KIAA1217: variants seen among roughly 807,000 people sequenced by gnomAD.
The protein encoded by KIAA1217 is KIAA1217.
In KIAA1217, 88 loss-of-function variants were observed where a neutral mutation model predicts 163.9. That is an observed-to-expected ratio of 0.54 (90% CI 0.45 to 0.64). The LOEUF (loss-of-function observed/expected upper bound fraction) is 0.64, where lower values mean the gene tolerates loss of function less well. KIAA1217 is among the 30% of genes least tolerant of loss of function. The pLI, the probability that KIAA1217 is intolerant of heterozygous loss-of-function variation, is 0.00. For missense variants in KIAA1217, 2,372 were observed against 2,475.0 expected, an observed-to-expected ratio of 0.96 and a Z score of 0.88; for synonymous variants, 903 against 923.1, an observed-to-expected ratio of 0.98 and a Z score of 0.39.
At chr10:24,254,834 C>T (rs2074967298) in intron 2 of KIAA1217, among the ~76,000 whole-genome samples, 2 of 151,948 alleles carry the variant, frequency 1.3e-5, no homozygotes, top group South Asian at 2.1e-4. Context: ...TAAATGTCTC[C>T]GTCCAACTCT....
intron 1 of KIAA1217, among the ~76,000 whole-genome samples, chr10:23,929,308 T>C (rs1042710905): frequency 6.6e-6 from 1 of 152,202 alleles, no homozygotes; most frequent in African/African-American, 2.4e-5. Context: ...TAATGGATTT[T>C]ATTTTATTTT....
chr10:24,235,123 A>G (rs1249940284), intron 2 of KIAA1217, among the ~76,000 whole-genome samples: 1 of 152,208 alleles, frequency 6.6e-6, no homozygotes, highest in East Asian at 1.9e-4. Context: ...TCTTCAACTG[A>G]TTAAATGAGG....
At chr10:23,978,183 A>T (rs1845619135) in intron 1 of KIAA1217, among the ~76,000 whole-genome samples, 1 of 152,218 alleles carries the variant, frequency 6.6e-6, no homozygotes, top group African/African-American at 2.4e-5. Flanking sequence ...TTACTTCCTC[A>T]GTCGGAGACC....
At chr10:23,717,532 C>A (rs1415037950) in intron 1 of KIAA1217, among the ~76,000 whole-genome samples, 2 of 152,068 alleles carry the variant, frequency 1.3e-5, no homozygotes, top group African/African-American at 4.8e-5. Context: ...ACATACATTG[C>A]TGAAAATACA....
At chr10:24,029,080 C>T (rs550775524) in intron 2 of KIAA1217, among the ~76,000 whole-genome samples, 1 of 152,124 alleles carries the variant, frequency 6.6e-6, no homozygotes, top group African/African-American at 2.4e-5. Flanking sequence ...TAAATTTATA[C>T]TTCACAGTTT....
intron 2 of KIAA1217, among the ~76,000 whole-genome samples, chr10:24,087,918 C>CTT (rs1448882396): frequency 2.7e-4 from 34 of 127,256 alleles, no homozygotes; most frequent in South Asian, 7.6e-4. Context: ...CTGTGGTGGC[C>CTT]TCCCAAGCCT....
upstream of KIAA1217, among the ~76,000 whole-genome samples, chr10:24,207,282 T>TCTCACACACA (rs529791287): frequency 1.5e-3 from 211 of 140,228 alleles, 4 homozygotes; most frequent in African/African-American, 5.3e-3. Context: ...TCTCTCTCTC[T>TCTCACACACA]CACACACACA....
At chr10:24,021,532 T>TAC (rs1847731821) in intron 2 of KIAA1217, among the ~76,000 whole-genome samples, 1 of 152,014 alleles carries the variant, frequency 6.6e-6, no homozygotes, top group South Asian at 2.1e-4. Context: ...CAATTTTATC[T>TAC]ACAGATTCAG....
intron 1 of KIAA1217, among the ~76,000 whole-genome samples, chr10:23,999,114 C>A (rs1846627417): frequency 1.3e-5 from 2 of 152,094 alleles, no homozygotes; most frequent in African/African-American, 2.4e-5. Context: ...TATAAGAAAA[C>A]AACTGCATTG....
intron 1 of KIAA1217, among the ~76,000 whole-genome samples, chr10:23,955,172 G>A (rs1844507180): frequency 6.6e-6 from 1 of 152,176 alleles, no homozygotes; most frequent in African/African-American, 2.4e-5. Context: ...TTCACAGAGG[G>A]GGTAAGCGGC....
chr10:24,198,563 C>T (rs1306674449), intron 2 of KIAA1217, among the ~76,000 whole-genome samples: 1 of 145,930 alleles, frequency 6.9e-6, no homozygotes, highest in Non-Finnish European at 1.5e-5. Flanking sequence ...GAGCCAAGAT[C>T]GTGCCACTGC....
In KIAA1217 at chr10:23,787,436, T is replaced by G. The variant is rs16923845; in HGVS notation, c.-321+92202T>G. On this transcript the variant is annotated intron_variant, in intron 1 of 18. Coordinates refer to the KIAA1217 transcript ENST00000376462. ...AACCAGGTCCTTATAATTCTACAGG[T>G]ACAGATATTGGTAAACACAGGGTTC... Among the ~76,000 whole-genome samples the G allele has an allele frequency of 7.1e-3, 1,078 of 152,180 alleles. 18 individuals carry two copies. The highest frequency in any genetic ancestry group is 0.024 in the African/African-American group (993 of 41,516).
At chr10:24,091,426 A>G (rs564896268) in intron 2 of KIAA1217, among the ~76,000 whole-genome samples, 7 of 152,098 alleles carry the variant, frequency 4.6e-5, no homozygotes, top group Admixed American at 2.0e-4. Flanking sequence ...TTACTCATTA[A>G]TGAGTCAGAG....
chr10:24,054,701 G>C (rs1589317542), intron 2 of KIAA1217, among the ~76,000 whole-genome samples: 1 of 152,232 alleles, frequency 6.6e-6, no homozygotes, highest in East Asian at 1.9e-4. Context: ...AAACATCATA[G>C]AGTATACTTA....
intron 3 of KIAA1217, among the ~76,000 whole-genome samples, chr10:24,396,892 A>C (rs905996401): frequency 2.0e-5 from 3 of 152,158 alleles, no homozygotes; most frequent in Non-Finnish European, 2.9e-5. Context: ...TTTAAAGACT[A>C]TTCTGGCTAC....
At chr10:24,531,089 C>T (rs1240036499) in intron 14 of KIAA1217, among the ~76,000 whole-genome samples, 1 of 151,948 alleles carries the variant, frequency 6.6e-6, no homozygotes, top group Non-Finnish European at 1.5e-5. Flanking sequence ...CCTGTAATGC[C>T]AGCTACTAGG....
chr10:24,298,756 C>T (rs1021142411), intron 2 of KIAA1217, among the ~76,000 whole-genome samples: 24 of 152,182 alleles, frequency 1.6e-4, no homozygotes, highest in African/African-American at 4.3e-4. Flanking sequence ...CAAGATCGCA[C>T]CACTGCACTC....
At chr10:24,479,897 C>T (rs1182142424) in intron 6 of KIAA1217, among the ~76,000 whole-genome samples, 9 of 152,198 alleles carry the variant, frequency 5.9e-5, no homozygotes, top group Non-Finnish European at 1.2e-4. Flanking sequence ...CAAGAAATCA[C>T]TCACTACATT....
chr10:24,422,858 T>TG (rs60207473), intron 3 of KIAA1217, among the ~76,000 whole-genome samples: 51,519 of 149,988 alleles, frequency 0.34, 9,670 homozygotes, highest in East Asian at 0.42. Flanking sequence ...CAGGTGGTTA[T>TG]GGGGGGCAAG....
Sources: gnomAD v4.1 joint callset for allele counts (sites outside exome capture counted in the v4.1 genomes callset) on GRCh38, gnomAD v4.1.1 for gene constraint, MANE v1.5 for transcripts, NCBI Gene and HGNC (gene_info 2026-07-23, HGNC 2026-07-21) for gene names.